The following SCFD1 variants were observed in gnomAD, a reference collection of about 807,000 sequenced individuals.
SCFD1 encodes sec1 family domain-containing protein 1.
In SCFD1, 37 loss-of-function variants were observed where a neutral mutation model predicts 103.2. The observed-to-expected ratio is 0.36, with a 90% CI of 0.28 to 0.47. The LOEUF (loss-of-function observed/expected upper bound fraction) is 0.47. Ranked by LOEUF, SCFD1 falls within the 20% of genes least tolerant of loss-of-function variation. The pLI is 1.00. For synonymous variants in SCFD1, 264 were observed against 245.0 expected (o/e 1.08, Z -0.73); for missense variants, 639 against 761.2 (o/e 0.84, Z 1.89).
At chr14:30,718,405 C>T (rs530299817) in intron 20 of SCFD1, among the ~76,000 whole-genome samples, 3 of 152,336 alleles carry the variant, frequency 2.0e-5, no homozygotes, top group Admixed American at 2.0e-4. Context: ...CACTTTATAA[C>T]TCAAGGCATA....
At chr14:30,664,735 C>T (rs948636714) in intron 10 of SCFD1, among the ~76,000 whole-genome samples, 1 of 152,110 alleles carries the variant, frequency 6.6e-6, no homozygotes, top group Non-Finnish European at 1.5e-5. Context: ...GGCACGAGAA[C>T]TACGTGATGC....
At chr14:30,721,323 T>TGTAA (rs140635223) in intron 21 of SCFD1, among the ~76,000 whole-genome samples, 11,913 of 152,124 alleles carry the variant, frequency 0.078, 750 homozygotes, top group African/African-American at 0.17. Flanking sequence ...CACTCAAATA[T>TGTAA]GTAAGTCTAG....
At chr14:30,709,822 G>C (rs747599599) in intron 19 of SCFD1, among the ~76,000 whole-genome samples, 2 of 152,098 alleles carry the variant, frequency 1.3e-5, no homozygotes, top group African/African-American at 2.4e-5. Context: ...AACTTCTACG[G>C]TAATGTCTGC....
intron 4 of SCFD1, among the ~76,000 whole-genome samples, chr14:30,634,277 A>G (rs772971027): frequency 7.2e-5 from 11 of 152,138 alleles, no homozygotes; most frequent in Non-Finnish European, 1.2e-4. Flanking sequence ...TCAGTTATCC[A>G]CAGTTAACCA....
At chr14:30,668,350 A>G (rs561645340) in intron 10 of SCFD1, among the ~76,000 whole-genome samples, 4 of 152,358 alleles carry the variant, frequency 2.6e-5, no homozygotes, top group South Asian at 2.1e-4. Flanking sequence ...AGCCATATGT[A>G]GAAAGCTGAA....
intron 14 of SCFD1, among the ~76,000 whole-genome samples, chr14:30,679,881 C>A (rs576725894): frequency 1.3e-5 from 2 of 152,068 alleles, no homozygotes; most frequent in Admixed American, 1.3e-4. Flanking sequence ...TTCTTTAAGA[C>A]AGAGGAAAAA....
In SCFD1 at chr14:30,708,389, T is replaced by C. The variant is rs143873028; in HGVS notation, c.1629+324T>C. Among the ~76,000 whole-genome samples the C allele has an allele frequency of 1.2e-3, 182 of 152,298 alleles. 1 individual carries two copies. The East Asian group carries it at 0.03, about 26-fold the overall frequency. Reference sequence around the variant, plus strand: ...TGTTGTTCCTCTCCCTGTGTCCATGTGTTCTCATTGTTGAGCTCCCATGTG... The same window carrying C: ...TGTTGTTCCTCTCCCTGTGTCCATGCGTTCTCATTGTTGAGCTCCCATGTG... On this transcript the variant is annotated intron_variant, in intron 19 of 24. Coordinates refer to ENST00000458591, the MANE Select transcript of SCFD1 (RefSeq NM_016106.4).
chr14:30,672,635 G>A (rs938620499), intron 11 of SCFD1, among the ~76,000 whole-genome samples: 1 of 152,166 alleles, frequency 6.6e-6, no homozygotes, highest in African/African-American at 2.4e-5. Context: ...TTCTACCTGA[G>A]TGCTCATGAT....
At chr14:30,636,255 C>A (rs1490988103) in intron 4 of SCFD1, among the ~76,000 whole-genome samples, 1 of 151,522 alleles carries the variant, frequency 6.6e-6, no homozygotes, top group African/African-American at 2.4e-5. Context: ...TTGATGAAGC[C>A]CAGTTTATCG....
chr14:30,707,914 G>C (rs1473512195), intron 18 of SCFD1, 76 bp from the exon 19 acceptor site: 4 of 973,948 alleles, frequency 4.1e-6, no homozygotes, highest in South Asian at 1.3e-5. Flanking sequence ...TGTGTAATCA[G>C]GTAAATATTT....
chr14:30,648,991 A>AG (rs1555348810), intron 7 of SCFD1, among the ~76,000 whole-genome samples: 1 of 151,092 alleles, frequency 6.6e-6, no homozygotes, highest in Non-Finnish European at 1.5e-5. Context: ...AAAAAAAAAA[A>AG]GGAAAGAAAA....
upstream of SCFD1, chr14:30,622,278 G>T: frequency 1.9e-6 from 3 of 1,587,736 alleles, no homozygotes; most frequent in South Asian, 1.1e-5. Flanking sequence ...GGGGCGGTAA[G>T]GGCAGCCACG....
intron 10 of SCFD1, among the ~76,000 whole-genome samples, chr14:30,669,164 A>G (rs1594658037): frequency 6.6e-6 from 1 of 152,144 alleles, no homozygotes; most frequent in Non-Finnish European, 1.5e-5. Context: ...GTTTATGTTA[A>G]GGACCTAGAG....
At chr14:30,723,953 G>C (rs981551038) in intron 23 of SCFD1, among the ~76,000 whole-genome samples, 4 of 151,668 alleles carry the variant, frequency 2.6e-5, no homozygotes, top group Admixed American at 1.3e-4. Flanking sequence ...TTTCTGTCTA[G>C]GTCTTTGAGG....
At chr14:30,727,073 G>A (rs915921744) in intron 23 of SCFD1, among the ~76,000 whole-genome samples, 1 of 152,048 alleles carries the variant, frequency 6.6e-6, no homozygotes, top group Non-Finnish European at 1.5e-5. Flanking sequence ...ATTATTCTCA[G>A]CAAAAGATCA....
At chr14:30,673,858 T>A (rs1888777649) in intron 12 of SCFD1, 66 bp from the exon 13 acceptor site, 1 of 1,036,630 alleles carries the variant, frequency 9.6e-7, no homozygotes, top group South Asian at 1.3e-5. Context: ...AATCTTAGGA[T>A]GTGTTGATTT....
chr14:30,671,673 T>C (rs1888553881), intron 11 of SCFD1, among the ~76,000 whole-genome samples: 1 of 152,098 alleles, frequency 6.6e-6, no homozygotes, highest in Non-Finnish European at 1.5e-5. Flanking sequence ...CAAAGACACT[T>C]GGAGATAGCA....
At chr14:30,702,398 AT>A in intron 17 of SCFD1, 23 bp downstream of exon 17, 1 of 1,415,386 alleles carries the variant, frequency 7.1e-7, no homozygotes, top group South Asian at 1.3e-5. Context: ...TTCTTCTTTA[AT>A]TCCTGTCATT....
chr14:30,675,707 T>G (rs1450835128), intron 14 of SCFD1, among the ~76,000 whole-genome samples: 3 of 152,220 alleles, frequency 2.0e-5, no homozygotes, highest in Non-Finnish European at 4.4e-5. Flanking sequence ...AAAACTTGGC[T>G]AATATTGACC....
Sources: allele counts gnomAD v4.1 joint callset (sites outside exome capture counted in the v4.1 genomes callset), GRCh38; gene constraint gnomAD v4.1.1; transcripts MANE v1.5; gene names NCBI Gene and HGNC (gene_info 2026-07-23, HGNC 2026-07-21).